The following HEMK2 variants were observed in gnomAD, a reference collection of about 807,000 sequenced individuals.
The protein encoded by HEMK2 is methyltransferase HEMK2.
chr21:28,687,300 T>C, the HEMK2 span, among the ~76,000 whole-genome samples: 1 of 152,236 alleles, frequency 6.6e-6, no homozygotes, highest in African/African-American at 2.4e-5. Context: ...CCCTGGATTC[T>C]GATTTTAGGG....
the HEMK2 span, among the ~76,000 whole-genome samples, chr21:28,765,837 G>A: frequency 6.6e-6 from 1 of 152,036 alleles, no homozygotes; most frequent in Non-Finnish European, 1.5e-5. Flanking sequence ...GTAATGACTA[G>A]CTAAAGAGCC....
At chr21:28,789,365 G>A in the HEMK2 span, among the ~76,000 whole-genome samples, 3 of 152,160 alleles carry the variant, frequency 2.0e-5, no homozygotes, top group African/African-American at 7.2e-5. Context: ...GAAAGATATG[G>A]ATGCCCAACT....
chr21:28,855,579 T>TG, the HEMK2 span, among the ~76,000 whole-genome samples: 1 of 152,178 alleles, frequency 6.6e-6, no homozygotes, highest in Non-Finnish European at 1.5e-5. Context: ...CATTTGCACA[T>TG]GGCACATACT....
chr21:28,755,774 A>C, the HEMK2 span, among the ~76,000 whole-genome samples: 1 of 152,224 alleles, frequency 6.6e-6, no homozygotes, highest in African/African-American at 2.4e-5. Context: ...ATGCCTAATA[A>C]GACAGAAATA....
chr21:28,825,785 C>G, the HEMK2 span, among the ~76,000 whole-genome samples: 2 of 152,186 alleles, frequency 1.3e-5, no homozygotes, highest in Middle Eastern at 3.2e-3. Context: ...CTAGTTTTCC[C>G]AGGAATTTCC....
At chr21:28,576,179 A>G in the HEMK2 span, among the ~76,000 whole-genome samples, 1 of 152,228 alleles carries the variant, frequency 6.6e-6, no homozygotes, top group African/African-American at 2.4e-5. Context: ...TATTGCCCCA[A>G]GTGTTTGTAC....
the HEMK2 span, among the ~76,000 whole-genome samples, chr21:28,600,500 T>C: frequency 2.0e-5 from 3 of 152,290 alleles, no homozygotes; most frequent in East Asian, 5.8e-4. Flanking sequence ...CCATGAAACC[T>C]TTTTTTCTTC....
At chr21:28,655,785 C>G in the HEMK2 span, among the ~76,000 whole-genome samples, 5 of 152,086 alleles carry the variant, frequency 3.3e-5, no homozygotes, top group Non-Finnish European at 5.9e-5. Context: ...TATTTACATA[C>G]TGGATACTCA....
the HEMK2 span, among the ~76,000 whole-genome samples, chr21:28,850,651 G>A: frequency 6.6e-6 from 1 of 152,138 alleles, no homozygotes; most frequent in Non-Finnish European, 1.5e-5. Flanking sequence ...CTTACAAAAG[G>A]TCCTTAAGGG....
At chr21:28,704,660 C>G in the HEMK2 span, among the ~76,000 whole-genome samples, 5 of 151,544 alleles carry the variant, frequency 3.3e-5, no homozygotes, top group Non-Finnish European at 7.4e-5. Flanking sequence ...AAAAAAAATT[C>G]AAATTGCTTC....
chr21:28,885,201 C>G, the HEMK2 span: 4 of 1,559,922 alleles, frequency 2.6e-6, no homozygotes, highest in African/African-American at 1.4e-5. Flanking sequence ...GAGCCCCTCC[C>G]CTCCTCGCAC....
chr21:28,711,578 C>G, the HEMK2 span, among the ~76,000 whole-genome samples: 1 of 152,122 alleles, frequency 6.6e-6, no homozygotes, highest in Admixed American at 6.6e-5. Flanking sequence ...GTTTTAGAAC[C>G]TGTTGATCTA....
At chr21:28,867,840 A>G in the HEMK2 span, among the ~76,000 whole-genome samples, 1 of 152,150 alleles carries the variant, frequency 6.6e-6, no homozygotes, top group Admixed American at 6.5e-5. Flanking sequence ...AGGGTCTGTG[A>G]TTCTTTTTTA....
chr21:28,831,626 A>AGAAG, the HEMK2 span, among the ~76,000 whole-genome samples: 13 of 73,298 alleles, frequency 1.8e-4, no homozygotes, highest in Non-Finnish European at 2.6e-4. Context: ...AAAGAAGGAA[A>AGAAG]GAAGGAAGGA....
chr21:28,672,045 TTG>T, the HEMK2 span, among the ~76,000 whole-genome samples: 4 of 152,174 alleles, frequency 2.6e-5, no homozygotes, highest in Non-Finnish European at 5.9e-5. Flanking sequence ...AAAGTACACG[TTG>T]TTTTTCAATC....
the HEMK2 span, among the ~76,000 whole-genome samples, chr21:28,759,793 T>C: frequency 6.6e-6 from 1 of 152,196 alleles, no homozygotes; most frequent in Non-Finnish European, 1.5e-5. Flanking sequence ...TGCCACCATG[T>C]AGGACATGCC....
At chr21:28,824,009 AT>A in the HEMK2 span, among the ~76,000 whole-genome samples, 6 of 152,262 alleles carry the variant, frequency 3.9e-5, no homozygotes, top group Middle Eastern at 3.4e-3. Context: ...CTAAATTTGC[AT>A]TTTTTTATAA....
At chr21:28,880,200 A>G in the HEMK2 span, among the ~76,000 whole-genome samples, 1 of 152,248 alleles carries the variant, frequency 6.6e-6, no homozygotes, top group Non-Finnish European at 1.5e-5. Flanking sequence ...CAGCACATAT[A>G]TTTATATTCT....
chr21:28,592,737 AGAG>A, the HEMK2 span, among the ~76,000 whole-genome samples: 1 of 152,240 alleles, frequency 6.6e-6, no homozygotes, highest in Non-Finnish European at 1.5e-5. Context: ...ACACGGCATC[AGAG>A]GAGGAGACTG....
Sources: allele counts gnomAD v4.1 joint callset (sites outside exome capture counted in the v4.1 genomes callset), GRCh38; gene constraint gnomAD v4.1.1; transcripts MANE v1.5; gene names NCBI Gene and HGNC (gene_info 2026-07-23, HGNC 2026-07-21).